The following GRID1 variants were observed in gnomAD, a reference collection of about 807,000 sequenced individuals.
GRID1 encodes glutamate ionotropic receptor delta type subunit 1.
GRID1 carries 28 observed loss-of-function variants against 98.0 expected under a neutral mutation model. The observed-to-expected ratio is 0.29, with a 90% CI of 0.21 to 0.39. GRID1 has a LOEUF of 0.39. Ranked by LOEUF, GRID1 falls within the 10% of genes least tolerant of loss-of-function variation. The probability of loss-of-function intolerance (pLI) is 1.00; values close to 1 mark genes in which losing one functional copy is unlikely to be tolerated. For synonymous variants in GRID1, 553 were observed against 538.5 expected (o/e 1.03, Z -0.37); for missense variants, 1,111 against 1,340.5 (o/e 0.83, Z 2.67).
At chr10:85,659,223 G>A (rs1028858717) in intron 12 of GRID1, among the ~76,000 whole-genome samples, 3 of 152,246 alleles carry the variant, frequency 2.0e-5, no homozygotes, top group Admixed American at 6.5e-5. Flanking sequence ...GCCTGGGTGT[G>A]TTCATGTAAG....
chr10:86,035,416 T>C (rs1204400058), intron 4 of GRID1, among the ~76,000 whole-genome samples: 2 of 152,244 alleles, frequency 1.3e-5, no homozygotes, highest in African/African-American at 4.8e-5. Flanking sequence ...AGCCTTTTAA[T>C]TTCATCAAGT....
At chr10:85,712,356 A>C (rs528494043) in intron 12 of GRID1, among the ~76,000 whole-genome samples, 1 of 151,852 alleles carries the variant, frequency 6.6e-6, no homozygotes, top group Admixed American at 6.6e-5. Context: ...GACTATACTT[A>C]TATCCAACAA....
chr10:86,324,431 G>T (rs1272917854), intron 2 of GRID1, among the ~76,000 whole-genome samples: 2 of 152,194 alleles, frequency 1.3e-5, no homozygotes, highest in African/African-American at 4.8e-5. Flanking sequence ...TCTCCACTGG[G>T]AGAAAGGGGG....
chr10:85,835,147 G>A, intron 8 of GRID1, among the ~76,000 whole-genome samples: 1 of 152,270 alleles, frequency 6.6e-6, no homozygotes, highest in South Asian at 2.1e-4. Context: ...AAATGTGTAT[G>A]CTCCAAACAA....
At chr10:85,734,574 A>C (rs2132664356) in intron 8 of GRID1, among the ~76,000 whole-genome samples, 3 of 152,354 alleles carry the variant, frequency 2.0e-5, no homozygotes, top group Middle Eastern at 6.8e-3. Context: ...AAATACTTCA[A>C]AGCAAAAAAT....
At chr10:85,798,522 A>C (rs1315480941) in intron 8 of GRID1, among the ~76,000 whole-genome samples, 1 of 152,088 alleles carries the variant, frequency 6.6e-6, no homozygotes, top group Non-Finnish European at 1.5e-5. Context: ...ACTCATCCTC[A>C]CCAGCATTTG....
chr10:86,087,091 G>A (rs1844070819), intron 4 of GRID1, among the ~76,000 whole-genome samples: 1 of 152,180 alleles, frequency 6.6e-6, no homozygotes, highest in South Asian at 2.1e-4. Flanking sequence ...TATTTACATG[G>A]AAGGCATGGG....
At chr10:86,162,747 T>G (rs1047445880) in intron 3 of GRID1, among the ~76,000 whole-genome samples, 3 of 152,144 alleles carry the variant, frequency 2.0e-5, no homozygotes, top group Non-Finnish European at 1.5e-5. Flanking sequence ...GGAGAAATCA[T>G]TCCTCTTGGC....
chr10:85,881,719 T>G (rs79609501), intron 5 of GRID1, among the ~76,000 whole-genome samples: 39,568 of 151,648 alleles, frequency 0.26, 5,317 homozygotes, highest in African/African-American at 0.33. Context: ...CATGGGCAAG[T>G]GCTTCATGTC....
intron 4 of GRID1, among the ~76,000 whole-genome samples, chr10:86,103,667 G>C (rs551232045): frequency 1.3e-5 from 2 of 152,192 alleles, no homozygotes; most frequent in East Asian, 3.9e-4. Context: ...AGCATCTCAC[G>C]TTCTGCTCCA....
chr10:85,645,322 A>G (rs1365365398), intron 13 of GRID1, among the ~76,000 whole-genome samples: 2 of 152,200 alleles, frequency 1.3e-5, no homozygotes, highest in Non-Finnish European at 2.9e-5. Context: ...TTAAATCAAC[A>G]TTGTGTTCAT....
chr10:85,653,414 C>T (rs1333336206), intron 12 of GRID1, among the ~76,000 whole-genome samples: 4 of 152,136 alleles, frequency 2.6e-5, no homozygotes, highest in African/African-American at 7.2e-5. Flanking sequence ...GGAATGAACT[C>T]GCAGAGGATG....
At chr10:85,983,834 A>G (rs1842575770) in intron 4 of GRID1, among the ~76,000 whole-genome samples, 1 of 151,968 alleles carries the variant, frequency 6.6e-6, no homozygotes, top group Admixed American at 6.5e-5. Context: ...GAGGACCAAG[A>G]CTCACCATGG....
intron 2 of GRID1, among the ~76,000 whole-genome samples, chr10:86,283,600 T>C (rs1847386519): frequency 6.7e-6 from 1 of 148,754 alleles, no homozygotes; most frequent in African/African-American, 2.5e-5. Flanking sequence ...CATACACATA[T>C]GCAAATAAGG....
At chr10:86,155,477 T>G (rs1028539913) in intron 3 of GRID1, among the ~76,000 whole-genome samples, 2 of 152,206 alleles carry the variant, frequency 1.3e-5, no homozygotes, top group Non-Finnish European at 2.9e-5. Flanking sequence ...TAGAGGGAAA[T>G]GAACACCCCA....
At chr10:86,253,439 C>T (rs1478504687) in intron 2 of GRID1, among the ~76,000 whole-genome samples, 1 of 152,238 alleles carries the variant, frequency 6.6e-6, no homozygotes, top group East Asian at 1.9e-4. Context: ...GGGAGTGAGG[C>T]TTCCTGGGGC....
intron 2 of GRID1, among the ~76,000 whole-genome samples, chr10:86,307,355 A>G (rs1164187579): frequency 6.6e-6 from 1 of 152,242 alleles, no homozygotes; most frequent in Non-Finnish European, 1.5e-5. Context: ...AATGGAATTC[A>G]GCCTTAAAAA....
chr10:85,757,302 A>G (rs1038184727), intron 8 of GRID1, among the ~76,000 whole-genome samples: 1 of 152,152 alleles, frequency 6.6e-6, no homozygotes, highest in Non-Finnish European at 1.5e-5. Context: ...CTATGGCCCA[A>G]CCCAAGCCGA....
chr10:85,660,113 C>A (rs1840948442), intron 12 of GRID1, among the ~76,000 whole-genome samples: 1 of 152,222 alleles, frequency 6.6e-6, no homozygotes, highest in African/African-American at 2.4e-5. Flanking sequence ...CCAAGAGCTC[C>A]ACATGCCACA....
Sources: allele counts gnomAD v4.1 joint callset (sites outside exome capture counted in the v4.1 genomes callset), GRCh38; gene constraint gnomAD v4.1.1; transcripts MANE v1.5; gene names NCBI Gene and HGNC (gene_info 2026-07-23, HGNC 2026-07-21).